STARD9: variants seen among roughly 807,000 people sequenced by gnomAD.
STARD9 encodes the protein StAR related lipid transfer domain containing 9, also known as stAR-related lipid transfer protein 9.
In STARD9, 346 loss-of-function variants were observed where a neutral mutation model predicts 399.8. The ratio of observed to expected loss-of-function variants is 0.87; its 90% CI spans 0.79 to 0.95. STARD9 has a LOEUF of 0.95. Among genes scored for constraint, STARD9 ranks in the 40% least tolerant of loss-of-function variants. The pLI is 0.00. For missense variants in STARD9, 5,832 were observed against 5,667.5 expected (o/e 1.03, Z -0.93); for synonymous variants, 2,203 against 2,143.5 (o/e 1.03, Z -0.77).
chr15:42,636,004 C>T (rs1007898300), intron 4 of STARD9, among the ~76,000 whole-genome samples: 2 of 152,090 alleles, frequency 1.3e-5, no homozygotes, highest in African/African-American at 4.8e-5. Context: ...TAGAAATATC[C>T]TGGTCAGGGT....
At chr15:42,581,412 T>C in intron 1 of STARD9, 2 of 1,521,174 alleles carry the variant, frequency 1.3e-6, no homozygotes, top group African/African-American at 2.8e-5. Flanking sequence ...CTGCGCGGCG[T>C]CGCTGATGGC....
intron 3 of STARD9, among the ~76,000 whole-genome samples, chr15:42,596,994 G>A (rs1414918286): frequency 6.6e-6 from 1 of 152,144 alleles, no homozygotes; most frequent in Non-Finnish European, 1.5e-5. Flanking sequence ...TTTCAAAGGA[G>A]TTAGCATATT....
At chr15:42,666,988 C>T (rs532694139) in intron 15 of STARD9, among the ~76,000 whole-genome samples, 20 of 151,396 alleles carry the variant, frequency 1.3e-4, no homozygotes, top group African/African-American at 4.1e-4. Flanking sequence ...CTAATTTCTG[C>T]GTTTTTAGTA....
chr15:42,578,602 C>A (rs2058104238), intron 1 of STARD9, among the ~76,000 whole-genome samples: 1 of 151,664 alleles, frequency 6.6e-6, no homozygotes, highest in African/African-American at 2.4e-5. Flanking sequence ...TCAAAACTTA[C>A]TCTTTACCCA....
intron 1 of STARD9, among the ~76,000 whole-genome samples, chr15:42,583,005 C>T (rs1437508233): frequency 6.6e-6 from 1 of 152,198 alleles, no homozygotes; most frequent in African/African-American, 2.4e-5. Context: ...AGCTTTAGTC[C>T]TCTGCCTGTA....
chr15:42,593,451 G>GCTAAC (rs1195875837), intron 3 of STARD9, among the ~76,000 whole-genome samples: 2 of 152,034 alleles, frequency 1.3e-5, no homozygotes. Context: ...TGAACAAAAA[G>GCTAAC]CTAACCGCTC....
chr15:42,690,953 A>T lies in STARD9; in HGVS notation c.9375A>T (p.Ala3125=). The T allele has an allele frequency of 6.5e-7, 1 of 1,537,228 alleles. No individual in the cohort carries two copies. Among genetic ancestry groups the T allele is most frequent in the Non-Finnish European group, 8.7e-7 (1 of 1,146,922 alleles). The change falls in exon 23 of 33, where the codon GCA becomes GCT. Residue 3125 remains alanine (A), a synonymous_variant. Transcript: ENST00000290607. ...FRDSSVGDQN[A]QVCQTNPEPP... ...ACAGCTCTGTAGGTGACCAGAATGC[A>T]CAGGTGTGTCAAACCAATCCAGAAC...
intron 8 of STARD9, among the ~76,000 whole-genome samples, chr15:42,651,765 GGA>G (rs1350614937): frequency 6.6e-6 from 1 of 152,102 alleles, no homozygotes; most frequent in Non-Finnish European, 1.5e-5. Context: ...GAACTCTCCT[GGA>G]GACACTTACT....
At chr15:42,664,387 G>C (rs1227792000) in intron 13 of STARD9, among the ~76,000 whole-genome samples, 1 of 151,986 alleles carries the variant, frequency 6.6e-6, no homozygotes, top group African/African-American at 2.4e-5. Context: ...GTTTTGAGAA[G>C]GGGTCTTGCT....
At chr15:42,584,837 C>T (rs751191695) in intron 2 of STARD9, among the ~76,000 whole-genome samples, 3 of 152,154 alleles carry the variant, frequency 2.0e-5, no homozygotes, top group Non-Finnish European at 4.4e-5. Flanking sequence ...CTCCCAGTAT[C>T]CTCTGCAGAA....
intron 7 of STARD9, among the ~76,000 whole-genome samples, chr15:42,649,992 G>A (rs892652543): frequency 4.0e-5 from 6 of 148,860 alleles, no homozygotes; most frequent in Non-Finnish European, 5.9e-5. Flanking sequence ...TCAGCCTCCC[G>A]AGTAGCTGGG....
At chr15:42,643,476 G>C (rs750361625) in intron 7 of STARD9, among the ~76,000 whole-genome samples, 42 of 151,702 alleles carry the variant, frequency 2.8e-4, no homozygotes, top group Non-Finnish European at 1.0e-4. Context: ...GATTACAGGC[G>C]TGAGCCACTG....
chr15:42,585,765 G>A, intron 3 of STARD9, 128 bp downstream of exon 3: 1 of 490,278 alleles, frequency 2.0e-6, no homozygotes, highest in Non-Finnish European at 3.5e-6. Flanking sequence ...TACTCTAATT[G>A]GTACTTTAAG....
At chr15:42,639,932 A>T (rs1406693001) in intron 7 of STARD9, among the ~76,000 whole-genome samples, 2 of 150,696 alleles carry the variant, frequency 1.3e-5, no homozygotes, top group Non-Finnish European at 3.0e-5. Context: ...TTTTATTTTT[A>T]TTTTTTTAGC....
chr15:42,718,668 C>T, intron 31 of STARD9, 84 bp from the exon 32 acceptor site: 2 of 1,485,944 alleles, frequency 1.3e-6, no homozygotes, highest in Non-Finnish European at 1.8e-6. Flanking sequence ...CCAGTGTTGC[C>T]TTTCACCATA....
intron 26 of STARD9, among the ~76,000 whole-genome samples, chr15:42,708,750 T>G (rs954714636): frequency 4.6e-5 from 7 of 152,096 alleles, no homozygotes; most frequent in Non-Finnish European, 8.8e-5. Context: ...CTGAGACATG[T>G]ATGTGAAAAC....
chr15:42,609,785 G>C (rs1474181800), intron 3 of STARD9, among the ~76,000 whole-genome samples: 3 of 151,896 alleles, frequency 2.0e-5, no homozygotes, highest in African/African-American at 7.2e-5. Context: ...TGGCTAACTA[G>C]TTAATCAGAA....
chr15:42,708,835 T>G (rs989389008), intron 26 of STARD9, among the ~76,000 whole-genome samples: 22 of 152,180 alleles, frequency 1.4e-4, no homozygotes, highest in Non-Finnish European at 4.4e-5. Flanking sequence ...GTTATGCGTT[T>G]TTGGCAAAAA....
At chr15:42,601,636 G>A (rs2058633662) in intron 3 of STARD9, among the ~76,000 whole-genome samples, 1 of 151,808 alleles carries the variant, frequency 6.6e-6, no homozygotes, top group South Asian at 2.1e-4. Flanking sequence ...CCACTTCCCG[G>A]ATATATCTGT....
Sources: allele counts gnomAD v4.1 joint callset (sites outside exome capture counted in the v4.1 genomes callset), GRCh38; gene constraint gnomAD v4.1.1; transcripts MANE v1.5; gene names NCBI Gene and HGNC (gene_info 2026-07-23, HGNC 2026-07-21).